The following SCHIP1 variants were observed in gnomAD, a reference collection of about 807,000 sequenced individuals.
SCHIP1 encodes schwannomin-interacting protein 1.
Under a neutral mutation model 29.7 loss-of-function variants are expected in SCHIP1, and 8 were observed. The observed-to-expected ratio is 0.27, with a 90% CI of 0.16 to 0.49. The LOEUF (loss-of-function observed/expected upper bound fraction) is 0.49. Ranked by LOEUF, SCHIP1 falls within the 20% of genes least tolerant of loss-of-function variation. The probability of loss-of-function intolerance (pLI) is 0.99; values close to 1 mark genes in which losing one functional copy is unlikely to be tolerated. For synonymous variants in SCHIP1, 76 were observed against 94.9 expected (o/e 0.80, Z 1.16); for missense variants, 193 against 294.6 (o/e 0.66, Z 2.52).
the SCHIP1 span, among the ~76,000 whole-genome samples, chr3:159,321,197 T>A: frequency 6.6e-6 from 1 of 152,172 alleles, no homozygotes; most frequent in African/African-American, 2.4e-5. Flanking sequence ...ACTCCTGACC[T>A]CAGGTGATCT....
the SCHIP1 span, among the ~76,000 whole-genome samples, chr3:159,447,898 G>A: frequency 3.3e-5 from 5 of 152,106 alleles, no homozygotes; most frequent in Admixed American, 6.5e-5. Flanking sequence ...CACTACTCAG[G>A]CATTAGGGCT....
At chr3:159,756,720 G>A in the SCHIP1 span, among the ~76,000 whole-genome samples, 3 of 152,106 alleles carry the variant, frequency 2.0e-5, no homozygotes, top group Admixed American at 6.5e-5. Context: ...CTTTTAAAAC[G>A]TAATGCTTTT....
In SCHIP1 at chr3:159,843,001, C is replaced by CTTTTTTTTTTTTTTTTT. The variant is rs566940351; in HGVS notation, c.30+2799_30+2815dup. Among the ~76,000 whole-genome samples, 208 of 63,698 alleles carry CTTTTTTTTTTTTTTTTT rather than the reference C, an allele frequency of 3.3e-3. 41 individuals carry two copies. Among genetic ancestry groups the CTTTTTTTTTTTTTTTTT allele is most frequent in the Non-Finnish European group, 4.3e-3 (129 of 30,156 alleles). The allele number at this position is 63,698 out of a possible 152,430, so 41.8% of individuals were successfully genotyped here. ...TCCAGTTCTATCCCAATATTTCTTTCTTTTTTTTTTTTTTTTTTTTTTTTT... is the reference window on the plus strand; with the variant it reads ...TCCAGTTCTATCCCAATATTTCTTTCTTTTTTTTTTTTTTTTTTTTTTTTTTTTTTTTTTTTTTTTTT... On this transcript the variant is annotated intron_variant, in intron 1 of 6. Transcript: ENST00000445224.
the SCHIP1 span, among the ~76,000 whole-genome samples, chr3:159,689,460 C>G: frequency 1.3e-5 from 2 of 152,156 alleles, no homozygotes; most frequent in African/African-American, 4.8e-5. Flanking sequence ...TATCCTGAGA[C>G]TTTGCTGAAG....
chr3:159,372,789 T>G, the SCHIP1 span, among the ~76,000 whole-genome samples: 1 of 151,828 alleles, frequency 6.6e-6, no homozygotes. Context: ...CTGATTTTAA[T>G]GTCTATAAAT....
chr3:159,896,671 C>T, intron 6 of SCHIP1, 52 bp from the exon 8 acceptor site: 3 of 1,498,060 alleles, frequency 2.0e-6, no homozygotes, highest in South Asian at 1.4e-5. Context: ...GATTGAAAAG[C>T]AGTTTGGATC....
intron 2 of SCHIP1, among the ~76,000 whole-genome samples, chr3:159,877,040 C>T (rs377215414): frequency 3.7e-4 from 56 of 152,314 alleles, no homozygotes; most frequent in Middle Eastern, 3.4e-3. Context: ...ACCTGAGGTA[C>T]AGCAGCTGAG....
At chr3:159,508,435 T>A in the SCHIP1 span, among the ~76,000 whole-genome samples, 1 of 152,192 alleles carries the variant, frequency 6.6e-6, no homozygotes, top group Non-Finnish European at 1.5e-5. Flanking sequence ...ATTCATTGAT[T>A]TTTTGAAGGG....
the SCHIP1 span, among the ~76,000 whole-genome samples, chr3:159,718,512 C>T: frequency 6.6e-6 from 1 of 152,188 alleles, no homozygotes; most frequent in African/African-American, 2.4e-5. Flanking sequence ...TCTCCTTAAG[C>T]TGATAAGCAA....
At chr3:159,578,036 A>G in the SCHIP1 span, among the ~76,000 whole-genome samples, 3 of 152,206 alleles carry the variant, frequency 2.0e-5, no homozygotes, top group Non-Finnish European at 4.4e-5. Context: ...TAAAATGAAA[A>G]TTCTACTCAT....
At chr3:159,826,213 C>T in the SCHIP1 span, among the ~76,000 whole-genome samples, 7 of 152,124 alleles carry the variant, frequency 4.6e-5, no homozygotes, top group Non-Finnish European at 2.9e-5. Context: ...TTTTGTATCA[C>T]TTTGGGAACT....
chr3:159,519,626 T>C, the SCHIP1 span, among the ~76,000 whole-genome samples: 6 of 152,188 alleles, frequency 3.9e-5, no homozygotes, highest in African/African-American at 1.4e-4. Context: ...ATTTTTGTGG[T>C]AAACAACAGT....
the SCHIP1 span, among the ~76,000 whole-genome samples, chr3:159,828,384 T>C: frequency 2.4e-3 from 165 of 68,192 alleles, 2 homozygotes; most frequent in African/African-American, 8.1e-3. Context: ...TACATATATA[T>C]ATACATATAT....
chr3:159,601,898 A>G, the SCHIP1 span, among the ~76,000 whole-genome samples: 2 of 152,218 alleles, frequency 1.3e-5, no homozygotes, highest in Non-Finnish European at 2.9e-5. Flanking sequence ...ATGGGGAGAT[A>G]CAAGGGCTAT....
chr3:159,524,244 T>G, the SCHIP1 span, among the ~76,000 whole-genome samples: 3 of 152,244 alleles, frequency 2.0e-5, no homozygotes, highest in African/African-American at 7.2e-5. Flanking sequence ...TGCCATCCTC[T>G]TAGGACAAAA....
At chr3:159,322,685 A>G in the SCHIP1 span, among the ~76,000 whole-genome samples, 6 of 152,336 alleles carry the variant, frequency 3.9e-5, no homozygotes, top group Admixed American at 3.3e-4. Context: ...ACTAGGCACA[A>G]AAATGTTCCA....
the SCHIP1 span, among the ~76,000 whole-genome samples, chr3:159,634,258 C>T: frequency 1.3e-5 from 2 of 152,038 alleles, no homozygotes; most frequent in African/African-American, 2.4e-5. Context: ...AATGGATTGC[C>T]TCTGGGAGGT....
the SCHIP1 span, among the ~76,000 whole-genome samples, chr3:159,437,397 C>A: frequency 6.6e-6 from 1 of 152,210 alleles, no homozygotes; most frequent in South Asian, 2.1e-4. Context: ...ACTCTCACAA[C>A]CAAGGATTTT....
chr3:159,732,244 C>T, the SCHIP1 span, among the ~76,000 whole-genome samples: 1 of 152,224 alleles, frequency 6.6e-6, no homozygotes, highest in Non-Finnish European at 1.5e-5. Flanking sequence ...CAGGCAATGT[C>T]AAGAGGAGCT....
Sources: gnomAD v4.1 joint callset for allele counts (sites outside exome capture counted in the v4.1 genomes callset) on GRCh38, gnomAD v4.1.1 for gene constraint, MANE v1.5 for transcripts, NCBI Gene and HGNC (gene_info 2026-07-23, HGNC 2026-07-21) for gene names.